Variants in STAM2 observed in about 807,000 individuals in gnomAD.
STAM2 encodes the protein signal transducing adaptor molecule 2.
In STAM2, 51 loss-of-function variants were observed where a neutral mutation model predicts 65.6. That is an observed-to-expected ratio of 0.78 (90% CI 0.62 to 0.98). The LOEUF is 0.98. Among genes scored for constraint, STAM2 ranks in the 50% least tolerant of loss-of-function variants. The pLI is 0.00. For synonymous variants in STAM2, 198 were observed against 208.4 expected (o/e 0.95, Z 0.43); for missense variants, 584 against 617.8 (o/e 0.95, Z 0.58).
chr2:152,162,664 TAC>T (rs1689704694), intron 1 of STAM2, among the ~76,000 whole-genome samples: 1 of 152,138 alleles, frequency 6.6e-6, no homozygotes, highest in African/African-American at 2.4e-5. Flanking sequence ...TAATTTGAGA[TAC>T]AGTCTCACTC....
At position 152,150,182 on chromosome 2, in the gene STAM2, T is replaced by C. The variant is rs1216601313; in HGVS notation, c.88A>G (p.Met30Val). The C allele has an allele frequency of 3.7e-6, 6 of 1,613,510 alleles. No homozygotes were observed. Among genetic ancestry groups the C allele is most frequent in the Non-Finnish European group, 5.1e-6 (6 of 1,179,662 alleles). ...YNTTEDWSLIMDICDKVGSTP... is the reference protein window; with the variant it reads ...YNTTEDWSLIVDICDKVGSTP... ...CTTCCAACTTTGTCACATATGTCCATAATAAGACTCCAATCTTCTGTAGTG... is the reference window on the plus strand; with the variant it reads ...CTTCCAACTTTGTCACATATGTCCACAATAAGACTCCAATCTTCTGTAGTG... The change falls in exon 2 of 14, where the codon ATG becomes GTG. Residue 30 changes from methionine to valine, a missense_variant. By Grantham distance (21) the Met-to-Val change is conservative. Transcript: ENST00000263904.
intron 6 of STAM2, among the ~76,000 whole-genome samples, chr2:152,144,354 T>C (rs1040210393): frequency 6.6e-6 from 1 of 152,068 alleles, no homozygotes; most frequent in Admixed American, 6.6e-5. Flanking sequence ...AAAGGTGAAA[T>C]GTAATCTCTC....
chr2:152,123,183 A>C (rs1301512412), intron 13 of STAM2, among the ~76,000 whole-genome samples: 1 of 152,096 alleles, frequency 6.6e-6, no homozygotes, highest in Non-Finnish European at 1.5e-5. Flanking sequence ...CAGCCTGACC[A>C]ATATGCTGAA....
Position 152,175,707 on chromosome 2 carries a change from G to C in STAM2, c.-65C>G, listed in dbSNP as rs1690008106. On this transcript the variant is annotated 5_prime_UTR_variant, in exon 1 of 14. Transcript: ENST00000263904. ...ACACTCAGCAACTGCTACCCGCCGG[G>C]TGACCCGCGGCCGCGGCTCCCTAGA... The C allele has an allele frequency of 5.8e-6, 9 of 1,553,572 alleles. No homozygotes were observed. The highest frequency in any genetic ancestry group is 1.7e-4 in the Middle Eastern group (1 of 5,940).
chr2:152,147,161 C>T lies in STAM2; in HGVS notation c.447+1G>A, dbSNP rs1689350803. 1 of 1,604,668 alleles carries T rather than the reference C, an allele frequency of 6.2e-7. No homozygotes were observed. On this transcript the variant is annotated splice_donor_variant, in intron 5 of 13. Coordinates refer to ENST00000263904, the MANE Select transcript of STAM2 (RefSeq NM_005843.6). LOFTEE classifies it high-confidence loss of function. ...ACCATGGGTCTGAATAAATCTCTCA[C>T]CTGAGAACCTGCTGGAGGAAAAGTA...
chr2:152,124,651 C>CAT (rs1339382248), intron 12 of STAM2: 5 of 152,230 alleles, frequency 3.3e-5, no homozygotes, highest in Non-Finnish European at 7.3e-5. Flanking sequence ...AATATCATAT[C>CAT]ATACCATAAT....
intron 11 of STAM2, among the ~76,000 whole-genome samples, chr2:152,128,375 T>C (rs569179932): frequency 5.6e-4 from 84 of 151,276 alleles, no homozygotes; most frequent in Non-Finnish European, 1.0e-3. Flanking sequence ...ATTGCACCAC[T>C]GCACTCCAGC....
At chr2:152,135,402 T>C in intron 8 of STAM2, 107 bp downstream of exon 8, 1 of 607,210 alleles carries the variant, frequency 1.6e-6, no homozygotes, top group Non-Finnish European at 2.4e-6. Flanking sequence ...AAAGAAATGA[T>C]TTAAAACAAA....
chr2:152,145,445 A>G (rs1689320663), intron 5 of STAM2, among the ~76,000 whole-genome samples: 1 of 152,250 alleles, frequency 6.6e-6, no homozygotes, highest in Non-Finnish European at 1.5e-5. Context: ...TTTTCAAGAA[A>G]ACATTATAAA....
intron 1 of STAM2, among the ~76,000 whole-genome samples, chr2:152,158,247 G>A (rs1255132629): frequency 2.0e-5 from 3 of 152,088 alleles, no homozygotes; most frequent in Admixed American, 6.6e-5. Context: ...GAAGCCAAGG[G>A]GGGTGGATCA....
chr2:152,125,333 T>C (rs1421538458), intron 12 of STAM2, among the ~76,000 whole-genome samples: 2 of 152,226 alleles, frequency 1.3e-5, no homozygotes, highest in Admixed American at 1.3e-4. Flanking sequence ...CCATAGTGAC[T>C]ATTCTTTTTT....
chr2:152,157,376 G>A (rs796319809), intron 1 of STAM2, among the ~76,000 whole-genome samples: 16 of 152,314 alleles, frequency 1.1e-4, no homozygotes, highest in African/African-American at 3.8e-4. Context: ...CAGTGTGGCT[G>A]TATTTGCAGA....
intron 1 of STAM2, among the ~76,000 whole-genome samples, chr2:152,169,013 G>T (rs1023033370): frequency 6.6e-6 from 1 of 152,198 alleles, no homozygotes; most frequent in African/African-American, 2.4e-5. Context: ...ACCTCAGGGT[G>T]GAGAAGGGTT....
At chr2:152,142,092 C>T (rs559977163) in intron 7 of STAM2, among the ~76,000 whole-genome samples, 123 of 152,284 alleles carry the variant, frequency 8.1e-4, no homozygotes, top group African/African-American at 2.8e-3. Context: ...CCAGCGATTA[C>T]CAATCACCTA....
intron 13 of STAM2, among the ~76,000 whole-genome samples, 169 bp downstream of exon 13, chr2:152,123,597 C>T (rs767741465): frequency 3.0e-4 from 46 of 152,076 alleles, no homozygotes; most frequent in Non-Finnish European, 5.7e-4. Flanking sequence ...AGCTTAAGGG[C>T]GGGCAATAAT....
chr2:152,131,119 G>C (rs1468857514), intron 11 of STAM2, among the ~76,000 whole-genome samples: 2 of 151,970 alleles, frequency 1.3e-5, no homozygotes. Flanking sequence ...AAACACTAGA[G>C]AAATTTCATT....
At position 152,118,979 on chromosome 2, in the gene STAM2, C is replaced by T. The variant is rs1168660697; in HGVS notation, c.*1595G>A. On this transcript the variant is annotated 3_prime_UTR_variant, in exon 14 of 14. Coordinates refer to ENST00000263904, the MANE Select transcript of STAM2 (RefSeq NM_005843.6). ...ACTATTTTGTTCTAGAATAAAGTTT[C>T]TTTGAAAAAGGAACATATTTATAAT... The T allele has an allele frequency of 6.6e-6, 1 of 151,846 alleles. No individual in the cohort carries two copies. Among genetic ancestry groups the T allele is most frequent in the African/African-American group, 2.4e-5 (1 of 41,364 alleles). 9.4% of individuals were successfully genotyped at this position (151,846 alleles called of 1,614,324 possible).
chr2:152,156,564 C>T (rs1689553067), intron 1 of STAM2, among the ~76,000 whole-genome samples: 1 of 152,122 alleles, frequency 6.6e-6, no homozygotes, highest in Non-Finnish European at 1.5e-5. Flanking sequence ...TAAGTCATAA[C>T]ATTTCATCAC....
chr2:152,144,992 T>G, intron 5 of STAM2, 35 bp from the exon 6 acceptor site: 1 of 1,508,356 alleles, frequency 6.6e-7, no homozygotes, highest in Non-Finnish European at 9.2e-7. Flanking sequence ...CACAACTATC[T>G]TTTCAAACAA....
Sources: gnomAD v4.1 joint callset for allele counts (sites outside exome capture counted in the v4.1 genomes callset) on GRCh38, gnomAD v4.1.1 for gene constraint, MANE v1.5 for transcripts, NCBI Gene and HGNC (gene_info 2026-07-23, HGNC 2026-07-21) for gene names.